The following PUDP variants were observed in gnomAD, a reference collection of about 807,000 sequenced individuals.
PUDP encodes the protein pseudouridine-5'-phosphatase.
A neutral mutation model predicts 9.4 loss-of-function variants in PUDP; 8 were observed. The ratio of observed to expected loss-of-function variants is 0.85; its 90% CI spans 0.50 to 1.53. The LOEUF is 1.53. Ranked by LOEUF, PUDP falls within the 40% of genes most tolerant of loss-of-function variation. The pLI is 0.00. For synonymous variants in PUDP, 99 were observed against 80.7 expected (o/e 1.23, Z -1.22); for missense variants, 188 against 189.7 (o/e 0.99, Z 0.05).
Position 7,050,156 on chromosome X carries a change from C to T in PUDP, c.*140G>A, listed in dbSNP as rs1017018301. 5 of 563,396 alleles carry T rather than the reference C, an allele frequency of 8.9e-6. No individual in the cohort carries two copies. The highest frequency in any genetic ancestry group is 1.4e-5 in the Non-Finnish European group (5 of 366,744). 46.4% of individuals were successfully genotyped at this position (563,396 alleles called of 1,213,427 possible). On this transcript the variant is annotated 3_prime_UTR_variant, in exon 4 of 4. Coordinates refer to ENST00000381077, the MANE Select transcript of PUDP (RefSeq NM_012080.5). ...AACACGTTAGACTGGGACAAACCAA[C>T]ATGGGATGGAAACTCCAATCTCAGG...
chrX:6,854,278 C>G (rs909844915), intron 3 of PUDP, among the ~76,000 whole-genome samples: 1 of 111,696 alleles, frequency 9.0e-6, no homozygotes, highest in African/African-American at 3.3e-5. Context: ...GATGCATACA[C>G]TCTTTAAAGA....
chrX:7,136,015 T>C (rs1372763399), intron 1 of PUDP, among the ~76,000 whole-genome samples: 3 of 111,693 alleles, frequency 2.7e-5, no homozygotes, highest in African/African-American at 9.8e-5. Flanking sequence ...TAGATTTTTT[T>C]CCCCAATCTA....
intron 1 of PUDP, among the ~76,000 whole-genome samples, chrX:7,043,067 T>C (rs181553451): frequency 4.4e-4 from 49 of 111,919 alleles, no homozygotes; most frequent in African/African-American, 1.6e-3. Context: ...AGTTAGTTTT[T>C]GCTTTTTTAC....
intron 3 of PUDP, among the ~76,000 whole-genome samples, chrX:6,726,748 G>A (rs1028579289): frequency 9.0e-6 from 1 of 111,220 alleles, no homozygotes; most frequent in Non-Finnish European, 1.9e-5. Flanking sequence ...TATTACTCAG[G>A]AAGCCTTCCT....
chrX:6,814,830 C>T (rs934482419), intron 3 of PUDP, among the ~76,000 whole-genome samples: 5 of 111,299 alleles, frequency 4.5e-5, no homozygotes, highest in African/African-American at 1.6e-4. Context: ...CCAAAAATGC[C>T]CTTAAAATAA....
At chrX:7,093,862 T>C (rs1298683070) in intron 2 of PUDP, among the ~76,000 whole-genome samples, 1 of 111,311 alleles carries the variant, frequency 9.0e-6, no homozygotes, top group Non-Finnish European at 1.9e-5. Context: ...TCCTAGCACT[T>C]TGGGAGGCTG....
At chrX:6,876,690 T>C (rs1037825942) in intron 3 of PUDP, among the ~76,000 whole-genome samples, 1 of 108,032 alleles carries the variant, frequency 9.3e-6, no homozygotes, top group African/African-American at 3.3e-5. Flanking sequence ...CACACATATG[T>C]ACATATATGT....
chrX:6,956,952 G>A (rs996859511), intron 3 of PUDP, among the ~76,000 whole-genome samples: 7 of 111,931 alleles, frequency 6.3e-5, no homozygotes, highest in African/African-American at 1.3e-4. Flanking sequence ...GAGCCTAAGG[G>A]CACACATCTC....
chrX:7,131,464 T>G (rs1932618331), intron 1 of PUDP, among the ~76,000 whole-genome samples: 3 of 110,377 alleles, frequency 2.7e-5, no homozygotes, highest in Admixed American at 9.6e-5. Flanking sequence ...GGGTCCTTAT[T>G]TATAAGAGAC....
chrX:7,121,363 T>C (rs189768572), intron 1 of PUDP, among the ~76,000 whole-genome samples: 260 of 111,531 alleles, frequency 2.3e-3, no homozygotes, highest in African/African-American at 8.1e-3. Flanking sequence ...TTGAGCCTTC[T>C]TAGGGAGGAG....
intron 1 of PUDP, among the ~76,000 whole-genome samples, chrX:6,991,347 C>A (rs753017267): frequency 4.5e-5 from 5 of 110,899 alleles, no homozygotes; most frequent in Admixed American, 1.9e-4. Flanking sequence ...CCTGCTCAGG[C>A]CCATTATTTT....
intron 3 of PUDP, among the ~76,000 whole-genome samples, chrX:6,823,841 G>A (rs775847015): frequency 4.3e-4 from 48 of 112,307 alleles, no homozygotes; most frequent in Non-Finnish European, 8.4e-4. Context: ...GGTAACTTCC[G>A]GACATTGCCG....
chrX:6,837,665 CT>C (rs1219855607), intron 3 of PUDP, among the ~76,000 whole-genome samples: 1 of 112,069 alleles, frequency 8.9e-6, no homozygotes, highest in Non-Finnish European at 1.9e-5. Context: ...GTCAGAAGGC[CT>C]TTTTCATTTC....
At chrX:7,139,513 A>C (rs1486384685) in intron 1 of PUDP, among the ~76,000 whole-genome samples, 1 of 109,505 alleles carries the variant, frequency 9.1e-6, no homozygotes, top group Admixed American at 9.9e-5. Context: ...ACAGTGCTCA[A>C]GGACCATGTG....
chrX:6,882,690 T>C (rs1927366442), intron 3 of PUDP, among the ~76,000 whole-genome samples: 1 of 111,058 alleles, frequency 9.0e-6, no homozygotes, highest in Admixed American at 9.6e-5. Flanking sequence ...AACGACTATA[T>C]CAGGGATCCC....
intron 3 of PUDP, among the ~76,000 whole-genome samples, chrX:6,760,342 T>C (rs1925216375): frequency 8.9e-6 from 1 of 111,893 alleles, no homozygotes; most frequent in African/African-American, 3.3e-5. Flanking sequence ...GGCCTGAATA[T>C]GATGTTGATG....
chrX:6,956,383 C>T (rs1602689659), intron 3 of PUDP, among the ~76,000 whole-genome samples: 1 of 98,886 alleles, frequency 1.0e-5, no homozygotes, highest in South Asian at 4.9e-4. Flanking sequence ...CCTTAGGGAA[C>T]AAAATAGATT....
intron 2 of PUDP, among the ~76,000 whole-genome samples, chrX:7,096,853 T>C (rs1329424025): frequency 9.0e-6 from 1 of 110,543 alleles, no homozygotes; most frequent in African/African-American, 3.3e-5. Flanking sequence ...AAAAAAAGCA[T>C]ATCATGATTG....
chrX:6,947,928 A>G (rs1928493771), intron 3 of PUDP, among the ~76,000 whole-genome samples: 1 of 112,424 alleles, frequency 8.9e-6, no homozygotes, highest in African/African-American at 3.2e-5. Context: ...GAGCAATTCC[A>G]TTTGTCCTTT....
Sources: allele counts gnomAD v4.1 joint callset (sites outside exome capture counted in the v4.1 genomes callset), GRCh38; gene constraint gnomAD v4.1.1; transcripts MANE v1.5; gene names NCBI Gene and HGNC (gene_info 2026-07-23, HGNC 2026-07-21).